The following CLTCL1 variants were observed in gnomAD, a reference collection of about 807,000 sequenced individuals.
The protein encoded by CLTCL1 is clathrin heavy chain like 1.
A neutral mutation model predicts 190.0 loss-of-function variants in CLTCL1; 159 were observed. That is an observed-to-expected ratio of 0.84 (90% CI 0.74 to 0.95). The LOEUF (loss-of-function observed/expected upper bound fraction) is 0.95. CLTCL1 is among the 40% of genes least tolerant of loss of function. CLTCL1 has a pLI of 0.00. For synonymous variants in CLTCL1, 752 were observed against 769.6 expected (o/e 0.98, Z 0.38); for missense variants, 1,878 against 2,033.4 (o/e 0.92, Z 1.47).
At chr22:19,230,711 C>T (rs1332239473) in intron 10 of CLTCL1, among the ~76,000 whole-genome samples, 5 of 152,120 alleles carry the variant, frequency 3.3e-5, no homozygotes, top group African/African-American at 1.2e-4. Flanking sequence ...AGTAATCATA[C>T]ATTACTTAAT....
At chr22:19,276,944 T>C (rs183373708) in intron 1 of CLTCL1, among the ~76,000 whole-genome samples, 4 of 152,252 alleles carry the variant, frequency 2.6e-5, no homozygotes, top group African/African-American at 2.4e-5. Context: ...AGCGCTGGGA[T>C]TACAGGCGTG....
In CLTCL1 at chr22:19,282,328, C is replaced by CA. The variant is rs1167712206; in HGVS notation, c.43-6499dup. On this transcript the variant is annotated intron_variant, in intron 1 of 32. Transcript: ENST00000427926. The stretch of plus-strand genomic sequence containing the variant: ...TGGCGACAGAGCCAAGACTCCGTCT[C>CA]AAAAAAAAAAAAAGAAATAGGCAAT... Among the ~76,000 whole-genome samples, 658 of 133,070 alleles carry CA rather than the reference C, an allele frequency of 4.9e-3. 4 individuals carry two copies. The highest frequency in any genetic ancestry group is 9.9e-3 in the African/African-American group (356 of 36,068). The allele number at this position is 133,070 out of a possible 152,430, so 87.3% of individuals were successfully genotyped here. A position where few individuals can be genotyped will look rare whatever the true frequency, so the allele number is the denominator to read the frequency against.
In CLTCL1 at chr22:19,207,626, C is replaced by T. The variant is rs1056546669; in HGVS notation, c.3600+528G>A. 4.3e-5 allele frequency: 18 copies of T among 421,002 alleles called. No individual in the cohort carries two copies. The South Asian group carries it at 1.0e-3, about 23-fold the overall frequency. The allele number at this position is 421,002 out of a possible 1,614,324, so 26.1% of individuals were successfully genotyped here. Reference sequence around the variant, plus strand: ...CTGGTCTGTGGCCTGTTAGGAATCACGCCCCATAGCAGCAAGTGAGCAGCA... The same window carrying T: ...CTGGTCTGTGGCCTGTTAGGAATCATGCCCCATAGCAGCAAGTGAGCAGCA... On this transcript the variant is annotated intron_variant, in intron 22 of 32. Transcript: ENST00000427926.
intron 1 of CLTCL1, among the ~76,000 whole-genome samples, chr22:19,276,964 G>A (rs947345066): frequency 5.3e-4 from 81 of 152,254 alleles, no homozygotes; most frequent in African/African-American, 1.8e-3. Flanking sequence ...GAGCCACCGC[G>A]TCTGGTCGAC....
Position 19,235,613 on chromosome 22 carries a change from G to A in CLTCL1, c.969+83C>T, listed in dbSNP as rs2086057245. Reference sequence around the variant, plus strand: ...GAACTATTAATAGCTACACCCAGCTGCTTTCCTAGAGAAGGGGGAAAGTTT... The same window carrying A: ...GAACTATTAATAGCTACACCCAGCTACTTTCCTAGAGAAGGGGGAAAGTTT... On this transcript the variant is annotated intron_variant, in intron 6 of 32. Transcript: ENST00000427926. The A allele has an allele frequency of 2.2e-6, 3 of 1,339,888 alleles. No individual in the cohort carries two copies. The African/African-American group carries it at 4.4e-5, about 20-fold the overall frequency. The allele number at this position is 1,339,888 out of a possible 1,614,324, so 83.0% of individuals were successfully genotyped here.
intron 5 of CLTCL1, among the ~76,000 whole-genome samples, chr22:19,236,090 G>T (rs1209652715): frequency 2.0e-5 from 3 of 152,114 alleles, no homozygotes; most frequent in Non-Finnish European, 4.4e-5. Flanking sequence ...CTCCAATGTA[G>T]CTGGGACTAC....
chr22:19,245,110 C>G (rs1601630961), intron 3 of CLTCL1, among the ~76,000 whole-genome samples: 1 of 150,700 alleles, frequency 6.6e-6, no homozygotes, highest in Non-Finnish European at 1.5e-5. Context: ...TTGTTTCAAA[C>G]AGAAACAGGC....
At chr22:19,280,141 A>C (rs1555985701) in intron 1 of CLTCL1, among the ~76,000 whole-genome samples, 1 of 152,234 alleles carries the variant, frequency 6.6e-6, no homozygotes. Flanking sequence ...TAAAAAGATA[A>C]ATGTACACAA....
At chr22:19,281,213 T>C (rs1316692801) in intron 1 of CLTCL1, among the ~76,000 whole-genome samples, 7 of 149,668 alleles carry the variant, frequency 4.7e-5, no homozygotes, top group South Asian at 4.2e-4. Flanking sequence ...GAGAATGGCG[T>C]GAACCCAGGA....
intron 13 of CLTCL1, 28 bp downstream of exon 13, chr22:19,225,425 G>A (rs1555955193): frequency 1.9e-6 from 3 of 1,538,902 alleles, no homozygotes; most frequent in Middle Eastern, 2.1e-4. Context: ...GTCACATGGT[G>A]GGGTCGGCGA....
At chr22:19,193,961 G>A (rs1771547) in intron 26 of CLTCL1, among the ~76,000 whole-genome samples, 9,003 of 152,266 alleles carry the variant, frequency 0.059, 333 homozygotes, top group Middle Eastern at 0.16. Context: ...AAAAAGACCC[G>A]AACAGGTTGC....
At chr22:19,256,079 C>T (rs2086738551) in intron 2 of CLTCL1, among the ~76,000 whole-genome samples, 1 of 152,010 alleles carries the variant, frequency 6.6e-6, no homozygotes, top group Non-Finnish European at 1.5e-5. Flanking sequence ...CTTAAAATTG[C>T]CAAGATGTCA....
chr22:19,277,940 C>T (rs1332875603), intron 1 of CLTCL1, among the ~76,000 whole-genome samples: 2 of 152,178 alleles, frequency 1.3e-5, no homozygotes, highest in Non-Finnish European at 2.9e-5. Context: ...AGCAGGGTTC[C>T]CATGACCTTC....
intron 2 of CLTCL1, among the ~76,000 whole-genome samples, chr22:19,274,090 G>T (rs1335362001): frequency 1.3e-5 from 2 of 152,142 alleles, no homozygotes; most frequent in Admixed American, 1.3e-4. Context: ...TTAAAATGCA[G>T]ATCATTTCTG....
chr22:19,232,869 G>C, intron 9 of CLTCL1: 2 of 562,408 alleles, frequency 3.6e-6, no homozygotes, highest in South Asian at 2.5e-5. Context: ...AAGCACACAG[G>C]GATAAGATCT....
At chr22:19,184,509 G>T in intron 29 of CLTCL1, 1 of 456,042 alleles carries the variant, frequency 2.2e-6, no homozygotes, top group Non-Finnish European at 4.4e-6. Flanking sequence ...GCTGCTCATC[G>T]ATCGCTGCCT....
chr22:19,222,563 C>A (rs925611206), intron 15 of CLTCL1, 121 bp downstream of exon 15: 3 of 1,215,626 alleles, frequency 2.5e-6, no homozygotes, highest in African/African-American at 1.5e-5. Context: ...CACACGAACC[C>A]ACCACCCTTC....
chr22:19,249,928 GT>G, intron 3 of CLTCL1: 1 of 436,790 alleles, frequency 2.3e-6, no homozygotes, highest in Non-Finnish European at 4.6e-6. Context: ...GTATGCTAAG[GT>G]TTTTCGTGGC....
chr22:19,211,317 T>C (rs1249669645), intron 19 of CLTCL1, among the ~76,000 whole-genome samples: 3 of 152,230 alleles, frequency 2.0e-5, no homozygotes, highest in African/African-American at 7.2e-5. Flanking sequence ...TAACAGAGTC[T>C]GGACACTTTC....
Sources: gnomAD v4.1 joint callset for allele counts (sites outside exome capture counted in the v4.1 genomes callset) on GRCh38, gnomAD v4.1.1 for gene constraint, MANE v1.5 for transcripts, NCBI Gene and HGNC (gene_info 2026-07-23, HGNC 2026-07-21) for gene names.